The following CREB1 variants were observed in gnomAD, a reference collection of about 807,000 sequenced individuals.
CREB1 encodes cAMP responsive element binding protein 1.
In CREB1, 2 loss-of-function variants were observed where a neutral mutation model predicts 42.0. That is an observed-to-expected ratio of 0.05 (90% CI 0.02 to 0.15). The LOEUF is 0.15. Ranked by LOEUF, CREB1 falls within the 10% of genes least tolerant of loss-of-function variation. CREB1 has a pLI of 1.00. For synonymous variants in CREB1, 123 were observed against 139.9 expected (o/e 0.88, Z 0.85); for missense variants, 199 against 388.9 (o/e 0.51, Z 4.11).
intron 7 of CREB1, among the ~76,000 whole-genome samples, chr2:207,590,098 T>TG (rs1169225987): frequency 7.0e-6 from 1 of 143,510 alleles, no homozygotes; most frequent in East Asian, 2.0e-4. Context: ...TTTTTTTTTT[T>TG]TTTTTTTTTA....
chr2:207,577,385 C>A (rs1022671265), intron 6 of CREB1, 120 bp from the exon 7 acceptor site: 2 of 1,316,560 alleles, frequency 1.5e-6, no homozygotes, highest in Non-Finnish European at 1.0e-6. Flanking sequence ...TAGCCAGAAT[C>A]ATCTTTTCTT....
intron 7 of CREB1, chr2:207,581,116 A>G (rs1199178947): frequency 4.7e-6 from 1 of 212,392 alleles, no homozygotes; most frequent in African/African-American, 2.3e-5. Flanking sequence ...CAGAAGTAAC[A>G]AAGGAAAAGG....
chr2:207,597,364 G>T lies in CREB1; in HGVS notation c.*306G>T, dbSNP rs552416399. 6.7e-6 allele frequency: 2 copies of T among 298,016 alleles called. No homozygotes were observed. The highest frequency in any genetic ancestry group is 4.3e-5 in the African/African-American group (2 of 46,506). 18.5% of individuals were successfully genotyped at this position (298,016 alleles called of 1,614,324 possible). A position where few individuals can be genotyped will look rare whatever the true frequency, so the allele number is the denominator to read the frequency against. ...TTACTTGTAAATTGATGGGAGAAAT[G>T]AGGAAAAGAAAATCTTTTTAAAAAT... On this transcript the variant is annotated 3_prime_UTR_variant, in exon 8 of 8. Transcript: ENST00000353267.
intron 3 of CREB1, among the ~76,000 whole-genome samples, chr2:207,562,962 A>T (rs2082010262): frequency 6.6e-6 from 1 of 152,242 alleles, no homozygotes; most frequent in Admixed American, 6.5e-5. Flanking sequence ...CTCTGTTCTC[A>T]AGAAGATCAC....
At position 207,587,029 on chromosome 2, in the gene CREB1, G is replaced by T. The variant is rs543327532; in HGVS notation, c.839+9374G>T. 1.1e-4 allele frequency among the ~76,000 whole-genome samples: 16 copies of T among 152,296 alleles called. No individual in the cohort carries two copies. In the East Asian group the frequency reaches 3.1e-3, roughly 29 times the overall value. ...GAACTCTTTCTAACTCTTTGTGTTA[G>T]AATTGTCTCAGTGTTGATGAGAATG... On this transcript the variant is annotated intron_variant, in intron 7 of 7. Coordinates refer to ENST00000353267, the MANE Select transcript of CREB1 (RefSeq NM_004379.5).
intron 7 of CREB1, among the ~76,000 whole-genome samples, chr2:207,588,728 G>T (rs1311459003): frequency 2.2e-5 from 3 of 134,870 alleles, no homozygotes; most frequent in African/African-American, 8.6e-5. Flanking sequence ...CTGTTTTCTG[G>T]TTTTTTTTTT....
At position 207,604,958 on chromosome 2, in the gene CREB1, TA is replaced by T. The variant is rs2087842231; in HGVS notation, c.*7901del. ...TATAGTAAGTATGCCATTGTAGATA[TA>T]TACCACAAGTTTATCGATTCATCCA... On this transcript the variant is annotated 3_prime_UTR_variant, in exon 8 of 8. Coordinates refer to ENST00000353267, the MANE Select transcript of CREB1 (RefSeq NM_004379.5). Among the ~76,000 whole-genome samples, 1 of 152,244 alleles carries T rather than the reference TA, an allele frequency of 6.6e-6. No homozygotes were observed. Among genetic ancestry groups the T allele is most frequent in the South Asian group, 2.1e-4 (1 of 4,832 alleles).
chr2:207,539,550 C>T (rs1213235721), intron 1 of CREB1, among the ~76,000 whole-genome samples: 1 of 151,910 alleles, frequency 6.6e-6, no homozygotes, highest in Non-Finnish European at 1.5e-5. Flanking sequence ...TATAAAAATA[C>T]CTAGGTATTA....
intron 1 of CREB1, among the ~76,000 whole-genome samples, chr2:207,545,882 C>T (rs1438703014): frequency 6.6e-6 from 1 of 151,848 alleles, no homozygotes; most frequent in Non-Finnish European, 1.5e-5. Context: ...TACAGGCGTG[C>T]GCCACCACGC....
intron 6 of CREB1, among the ~76,000 whole-genome samples, chr2:207,575,849 G>T (rs1391614177): frequency 8.2e-6 from 1 of 122,118 alleles, no homozygotes; most frequent in Non-Finnish European, 1.7e-5. Context: ...TGTTGTTGTT[G>T]TTTTTGTTTT....
Position 207,555,754 on chromosome 2 carries a change from AAAATAC to A in CREB1, c.114+7_114+12del. On this transcript the variant is annotated splice_donor_region_variant and intron_variant, in intron 2 of 7. Transcript: ENST00000353267. ...CAGATTGCCACATTAGCCCAGGTAT[AAAATAC>A]ATGGAGAGATTCCAGTTTGTGTCTC... The A allele has an allele frequency of 6.3e-7, 1 of 1,579,074 alleles. No homozygotes were observed. The highest frequency in any genetic ancestry group is 8.7e-7 in the Non-Finnish European group (1 of 1,148,430).
At chr2:207,582,283 C>A in intron 7 of CREB1, 1 of 635,036 alleles carries the variant, frequency 1.6e-6, no homozygotes, top group Non-Finnish European at 2.8e-6. Context: ...TAAAGTTTTG[C>A]CCACCAGTTT....
At position 207,604,401 on chromosome 2, in the gene CREB1, T is replaced by G. The variant is rs61058659; in HGVS notation, c.*7343T>G. Among the ~76,000 whole-genome samples, 1,803 of 152,292 alleles carry G rather than the reference T, an allele frequency of 0.012. 34 individuals are homozygous for G. The highest frequency in any genetic ancestry group is 0.041 in the African/African-American group (1,687 of 41,548). On this transcript the variant is annotated 3_prime_UTR_variant, in exon 8 of 8. Transcript: ENST00000353267. Reference sequence around the variant, plus strand: ...ATCTCGTAAGTGGTGCCACTATCCATCTGTTAAATTGTTTAGGGGAAACCT... The same window carrying G: ...ATCTCGTAAGTGGTGCCACTATCCAGCTGTTAAATTGTTTAGGGGAAACCT...
chr2:207,577,101 C>T (rs1354528360), intron 6 of CREB1: 3 of 965,558 alleles, frequency 3.1e-6, no homozygotes, highest in East Asian at 1.1e-4. Flanking sequence ...GTTTTTATGT[C>T]GTGGCAAGAG....
intron 1 of CREB1, among the ~76,000 whole-genome samples, chr2:207,552,184 T>C (rs1008760334): frequency 5.3e-5 from 8 of 151,754 alleles, no homozygotes; most frequent in Non-Finnish European, 7.4e-5. Flanking sequence ...AAAAGAAATA[T>C]CGAGTTGTGG....
chr2:207,561,081 T>TA, intron 3 of CREB1: 1 of 1,601,080 alleles, frequency 6.2e-7, no homozygotes, highest in Non-Finnish European at 8.6e-7. Context: ...AAGTAGGCCA[T>TA]AACCCCAGCC....
At position 207,545,498 on chromosome 2, in the gene CREB1, C is replaced by T. The variant is rs915211797; in HGVS notation, c.-8-10130C>T. ...CTGGGATTACAGACGTGAGCCACTC[C>T]GCCTGGCCTAATTCCAGAGAAAGGT... On this transcript the variant is annotated intron_variant, in intron 1 of 7. Transcript: ENST00000353267. 6.6e-5 allele frequency among the ~76,000 whole-genome samples: 10 copies of T among 152,198 alleles called. 1 individual carries two copies. The highest frequency in any genetic ancestry group is 1.0e-4 in the Non-Finnish European group (7 of 68,008).
At chr2:207,535,847 G>C (rs1033365540) in intron 1 of CREB1, among the ~76,000 whole-genome samples, 1 of 150,594 alleles carries the variant, frequency 6.6e-6, no homozygotes, top group Non-Finnish European at 1.5e-5. Context: ...TTTGAGGCAA[G>C]GTTTGGCTCT....
In CREB1 at chr2:207,602,871, CAT is replaced by C. The variant is rs1481506985; in HGVS notation, c.*5814_*5815del. On this transcript the variant is annotated 3_prime_UTR_variant, in exon 8 of 8. Transcript: ENST00000353267. ...AAGTTGTCCTTGACTGATTTGTCCA[CAT>C]GTCAGTTGTAACTCCCCCACTCCCT... 2.8e-5 allele frequency: 6 copies of C among 217,866 alleles called. No individual in the cohort carries two copies. Among genetic ancestry groups the C allele is most frequent in the Non-Finnish European group, 4.6e-5 (5 of 108,458 alleles). 13.5% of individuals were successfully genotyped at this position (217,866 alleles called of 1,614,324 possible). A position where few individuals can be genotyped will look rare whatever the true frequency, so the allele number is the denominator to read the frequency against.
Sources: allele counts gnomAD v4.1 joint callset (sites outside exome capture counted in the v4.1 genomes callset), GRCh38; gene constraint gnomAD v4.1.1; transcripts MANE v1.5; gene names NCBI Gene and HGNC (gene_info 2026-07-23, HGNC 2026-07-21).